NCOR1: variants seen among roughly 807,000 people sequenced by gnomAD.
The protein encoded by NCOR1 is nuclear receptor corepressor 1.
A neutral mutation model predicts 288.1 loss-of-function variants in NCOR1; 63 were observed. The ratio of observed to expected loss-of-function variants is 0.22; its 90% CI spans 0.18 to 0.27. The LOEUF (loss-of-function observed/expected upper bound fraction) is 0.27. NCOR1 is among the 10% of genes least tolerant of loss of function. NCOR1 has a pLI of 1.00. For synonymous variants in NCOR1, 1,007 were observed against 1,065.9 expected, an observed-to-expected ratio of 0.94 and a Z score of 1.08; for missense variants, 2,397 against 3,019.2, an observed-to-expected ratio of 0.79 and a Z score of 4.83.
rs957919346 is a variant in NCOR1 at position 16,044,467 on chromosome 17, A to G, written c.6679+2484T>C. On this transcript the variant is annotated intron_variant, in intron 42 of 45. Transcript: ENST00000268712. Reference sequence around the variant, plus strand: ...CAGGATCAGGAGACTAGTAGATGGTAGATCACAGAAATAAAGCAGATCGTC... The same window carrying G: ...CAGGATCAGGAGACTAGTAGATGGTGGATCACAGAAATAAAGCAGATCGTC... 5 of 473,106 alleles carry G rather than the reference A, an allele frequency of 1.1e-5. No homozygotes were observed. In the Middle Eastern group the frequency reaches 9.7e-4, roughly 91 times the overall value. 29.3% of individuals were successfully genotyped at this position (473,106 alleles called of 1,614,324 possible). A position where few individuals can be genotyped will look rare whatever the true frequency, so the allele number is the denominator to read the frequency against.
chr17:16,202,211 G>A (rs1253256959), intron 1 of NCOR1, among the ~76,000 whole-genome samples: 1 of 138,690 alleles, frequency 7.2e-6, no homozygotes, highest in Non-Finnish European at 1.5e-5. Flanking sequence ...GCAAAAGGGC[G>A]AGACTCCATC....
chr17:16,127,585 G>T (rs1205693625), intron 14 of NCOR1, among the ~76,000 whole-genome samples: 1 of 142,234 alleles, frequency 7.0e-6, no homozygotes, highest in African/African-American at 2.6e-5. Flanking sequence ...ATACATATGT[G>T]TATATATGTA....
Position 16,034,762 on chromosome 17 carries a change from T to C in NCOR1, c.7135+3A>G, listed in dbSNP as rs1422966251. The C allele has an allele frequency of 6.2e-7, 1 of 1,609,188 alleles. No individual in the cohort carries two copies. Among genetic ancestry groups the C allele is most frequent in the East Asian group, 2.2e-5 (1 of 44,850 alleles). On this transcript the variant is annotated splice_donor_region_variant and intron_variant, in intron 45 of 45. Transcript: ENST00000268712. ...ATTTTCTAAGTTAAAGCAGAATCCT[T>C]ACCTGTTGAAGAGGGCCTGTCTTCC...
intron 42 of NCOR1, among the ~76,000 whole-genome samples, chr17:16,046,511 AC>A (rs2058677769): frequency 6.6e-6 from 1 of 152,238 alleles, no homozygotes; most frequent in South Asian, 2.1e-4. Context: ...TGGTAGGGGT[AC>A]TAAGAATGAG....
intron 22 of NCOR1, chr17:16,091,536 G>T: frequency 9.1e-7 from 1 of 1,098,016 alleles, no homozygotes; most frequent in African/African-American, 1.8e-5. Context: ...TTGCTTCAAG[G>T]ACAGGACAAC....
At chr17:16,058,309 A>C (rs2060160699) in intron 38 of NCOR1, 162 bp downstream of exon 38, 1 of 1,016,314 alleles carries the variant, frequency 9.8e-7, no homozygotes. Flanking sequence ...GTATCATTAA[A>C]AAATAAAAAA....
intron 6 of NCOR1, 128 bp from the exon 7 acceptor site, chr17:16,153,523 C>T (rs917335732): frequency 1.8e-6 from 1 of 551,334 alleles, no homozygotes; most frequent in Non-Finnish European, 3.1e-6. Flanking sequence ...AAATATCCTT[C>T]TTCTATATGA....
intron 42 of NCOR1, among the ~76,000 whole-genome samples, chr17:16,042,395 A>G (rs942947385): frequency 6.6e-6 from 1 of 152,242 alleles, no homozygotes; most frequent in Non-Finnish European, 1.5e-5. Context: ...ACAATTTCCT[A>G]TAAGTTAACC....
At chr17:16,158,688 A>G in intron 6 of NCOR1, 72 bp downstream of exon 6, 2 of 812,662 alleles carry the variant, frequency 2.5e-6, no homozygotes, top group Non-Finnish European at 3.9e-6. Flanking sequence ...ATACCAGGAT[A>G]CATTCAAAAC....
At chr17:16,205,140 A>C (rs1336359859) in intron 1 of NCOR1, among the ~76,000 whole-genome samples, 1 of 152,036 alleles carries the variant, frequency 6.6e-6, no homozygotes, top group Non-Finnish European at 1.5e-5. Context: ...GAATCACTTG[A>C]ACCCAGGAGG....
chr17:16,140,997 C>CAAAA (rs372397821), intron 11 of NCOR1, among the ~76,000 whole-genome samples: 4 of 113,758 alleles, frequency 3.5e-5, no homozygotes, highest in Admixed American at 9.2e-5. Context: ...TCTCCTATCT[C>CAAAA]AAAAAAAAAA....
chr17:16,054,331 G>T (rs117696793), intron 40 of NCOR1, among the ~76,000 whole-genome samples: 1 of 151,048 alleles, frequency 6.6e-6, no homozygotes, highest in Admixed American at 6.6e-5. Context: ...TATCCAGCAT[G>T]TATAAAGAGC....
chr17:16,159,841 C>CTTT (rs776625584), intron 5 of NCOR1, among the ~76,000 whole-genome samples: 1 of 141,786 alleles, frequency 7.1e-6, no homozygotes, highest in African/African-American at 2.6e-5. Flanking sequence ...TTAGGTCAAT[C>CTTT]TTTTTTTTTT....
chr17:16,204,130 AAAT>A (rs1475821273), intron 1 of NCOR1, among the ~76,000 whole-genome samples: 1 of 152,202 alleles, frequency 6.6e-6, no homozygotes, highest in Non-Finnish European at 1.5e-5. Flanking sequence ...GATCAAAATA[AAAT>A]AATACACAAG....
At position 16,064,810 on chromosome 17, in the gene NCOR1, T is replaced by C. The variant is rs1251401951; in HGVS notation, c.5101+60A>G. On this transcript the variant is annotated intron_variant, in intron 34 of 45. Transcript: ENST00000268712. ...TTGCCCAAGATACCTTAAAAGGCTATGTTGTAAAAATGTAAACATGATGGT... is the reference window on the plus strand; with the variant it reads ...TTGCCCAAGATACCTTAAAAGGCTACGTTGTAAAAATGTAAACATGATGGT... The C allele has an allele frequency of 2.1e-6, 3 of 1,448,798 alleles. No homozygotes were observed. The African/African-American group carries it at 4.3e-5, about 21-fold the overall frequency. The allele number at this position is 1,448,798 out of a possible 1,614,324, so 89.7% of individuals were successfully genotyped here.
intron 19 of NCOR1, 29 bp from the exon 20 acceptor site, chr17:16,101,786 A>G (rs2067669751): frequency 6.2e-7 from 1 of 1,613,252 alleles, no homozygotes; most frequent in East Asian, 2.2e-5. Context: ...CACTTTCTGT[A>G]TCAGAACTAT....
chr17:16,186,136 G>C (rs2086634951), intron 3 of NCOR1, among the ~76,000 whole-genome samples: 1 of 152,168 alleles, frequency 6.6e-6, no homozygotes, highest in East Asian at 1.9e-4. Context: ...ACTAAAGCTT[G>C]AAGAGTTGAG....
chr17:16,212,284 A>G (rs2092207287), intron 1 of NCOR1, among the ~76,000 whole-genome samples: 1 of 152,114 alleles, frequency 6.6e-6, no homozygotes, highest in Admixed American at 6.6e-5. Flanking sequence ...AAAAAAAGAA[A>G]AAAAAAAGAT....
chr17:16,065,321 G>C (rs1337422293), intron 33 of NCOR1, among the ~76,000 whole-genome samples, 164 bp downstream of exon 33: 1 of 152,194 alleles, frequency 6.6e-6, no homozygotes, highest in African/African-American at 2.4e-5. Context: ...AAAACACCTT[G>C]TCTCAATGTA....
Sources: allele counts gnomAD v4.1 joint callset (sites outside exome capture counted in the v4.1 genomes callset), GRCh38; gene constraint gnomAD v4.1.1; transcripts MANE v1.5; gene names NCBI Gene and HGNC (gene_info 2026-07-23, HGNC 2026-07-21).